Variants in AR observed in about 807,000 individuals in gnomAD.
The protein encoded by AR is dihydrotestosterone receptor.
A neutral mutation model predicts 53.9 loss-of-function variants in AR; 8 were observed. That is an observed-to-expected ratio of 0.15 (90% CI 0.09 to 0.27). The LOEUF (loss-of-function observed/expected upper bound fraction) is 0.27, where lower values mean the gene tolerates loss of function less well. Among genes scored for constraint, AR ranks in the 10% least tolerant of loss-of-function variants. AR has a pLI of 1.00. For missense variants in AR, 639 were observed against 742.5 expected, an observed-to-expected ratio of 0.86 and a Z score of 1.62; for synonymous variants, 359 against 316.4, an observed-to-expected ratio of 1.13 and a Z score of -1.43.
chrX:67,633,915 A>T (rs936816688), intron 1 of AR, among the ~76,000 whole-genome samples: 6 of 111,943 alleles, frequency 5.4e-5, no homozygotes, highest in African/African-American at 1.6e-4. Context: ...AGGAGACAGT[A>T]TGAGGAGTGG....
intron 1 of AR, among the ~76,000 whole-genome samples, chrX:67,548,384 T>C (rs1378583557): frequency 8.9e-6 from 1 of 112,169 alleles, no homozygotes; most frequent in Non-Finnish European, 1.9e-5. Context: ...GACTCTTCAT[T>C]TTTGTAATGG....
intron 3 of AR, among the ~76,000 whole-genome samples, chrX:67,696,650 G>A (rs2076021924): frequency 9.0e-6 from 1 of 111,661 alleles, no homozygotes; most frequent in African/African-American, 3.3e-5. Flanking sequence ...TTGGGGGAAA[G>A]AATCAAGGAG....
chrX:67,673,050 T>TG (rs2075875820), intron 2 of AR, among the ~76,000 whole-genome samples: 1 of 109,668 alleles, frequency 9.1e-6, no homozygotes, highest in Non-Finnish European at 1.9e-5. Flanking sequence ...AAAGTTTTTT[T>TG]TTTTTTTTTC....
At chrX:67,703,689 A>G (rs2076052512) in intron 3 of AR, among the ~76,000 whole-genome samples, 1 of 111,801 alleles carries the variant, frequency 8.9e-6, no homozygotes, top group South Asian at 3.8e-4. Context: ...GTACGTGTGC[A>G]CAACTTGCAG....
intron 1 of AR, among the ~76,000 whole-genome samples, chrX:67,610,996 C>T: frequency 9.0e-6 from 1 of 111,314 alleles, no homozygotes; most frequent in Non-Finnish European, 1.9e-5. Context: ...TCCAGTAGGG[C>T]TTTTATGAGG....
At chrX:67,672,612 T>C (rs1277863123) in intron 2 of AR, among the ~76,000 whole-genome samples, 1 of 111,590 alleles carries the variant, frequency 9.0e-6, no homozygotes, top group Non-Finnish European at 1.9e-5. Context: ...TAAAAAAACA[T>C]GGAAAGAGAA....
chrX:67,661,570 G>C (rs1926919363), intron 2 of AR, among the ~76,000 whole-genome samples: 1 of 111,597 alleles, frequency 9.0e-6, no homozygotes, highest in Non-Finnish European at 1.9e-5. Flanking sequence ...AAGCCCACTT[G>C]ATCATAGTGG....
In AR at chrX:67,621,040, A is replaced by AT. The variant is rs759185783; in HGVS notation, c.1617-22210dup. On this transcript the variant is annotated intron_variant, in intron 1 of 7. Transcript: ENST00000374690. ...ATAACTGATGATGGTTGTTATATAGATTTTTTCATAGGTTGCCTGTTCCAA... is the reference window on the plus strand; with the variant it reads ...ATAACTGATGATGGTTGTTATATAGATTTTTTTCATAGGTTGCCTGTTCCAA... Among the ~76,000 whole-genome samples, 11 of 111,951 alleles carry AT rather than the reference A, an allele frequency of 9.8e-5. No individual in the cohort carries two copies. In the South Asian group the frequency reaches 3.3e-3, roughly 34 times the overall value.
intron 3 of AR, among the ~76,000 whole-genome samples, chrX:67,704,729 T>C (rs1276011850): frequency 8.9e-6 from 1 of 112,070 alleles, no homozygotes; most frequent in Non-Finnish European, 1.9e-5. Context: ...CCGGTGCCTA[T>C]GTCATGAATG....
intron 2 of AR, among the ~76,000 whole-genome samples, chrX:67,648,221 A>G (rs1418614680): frequency 8.9e-6 from 1 of 111,798 alleles, no homozygotes; most frequent in East Asian, 2.8e-4. Flanking sequence ...GAAATGCTAG[A>G]AGAGGATACT....
chrX:67,707,976 T>A (rs1194817415), intron 3 of AR, among the ~76,000 whole-genome samples: 1 of 112,334 alleles, frequency 8.9e-6, no homozygotes, highest in Non-Finnish European at 1.9e-5. Context: ...TGGCCCCCAC[T>A]CTCTTCTGGC....
intron 1 of AR, among the ~76,000 whole-genome samples, chrX:67,596,180 G>T (rs889839669): frequency 1.3e-4 from 14 of 110,090 alleles, no homozygotes; most frequent in African/African-American, 4.6e-4. Context: ...ACCAGAAGCC[G>T]AACAGATGCC....
intron 2 of AR, among the ~76,000 whole-genome samples, chrX:67,665,079 C>G (rs1927193537): frequency 8.8e-6 from 1 of 113,047 alleles, no homozygotes; most frequent in South Asian, 3.6e-4. Context: ...GAGGCGATGT[C>G]TCGCCCTGCT....
intron 1 of AR, among the ~76,000 whole-genome samples, chrX:67,559,357 G>A (rs913798795): frequency 8.9e-6 from 1 of 111,921 alleles, no homozygotes; most frequent in African/African-American, 3.2e-5. Context: ...TTGGGAGAGT[G>A]AGCAGAGTCC....
chrX:67,587,037 A>G (rs1922580333), intron 1 of AR, among the ~76,000 whole-genome samples: 1 of 112,287 alleles, frequency 8.9e-6, no homozygotes, highest in Non-Finnish European at 1.9e-5. Flanking sequence ...TTTAATAATC[A>G]GGATAGCCCT....
At chrX:67,548,108 A>G (rs1179146847) in intron 1 of AR, among the ~76,000 whole-genome samples, 1 of 111,690 alleles carries the variant, frequency 9.0e-6, no homozygotes, top group Non-Finnish European at 1.9e-5. Context: ...GACTTCTCCG[A>G]AATTTCTTTG....
intron 3 of AR, among the ~76,000 whole-genome samples, chrX:67,696,338 A>G (rs1569308794): frequency 9.0e-6 from 1 of 111,290 alleles, no homozygotes; most frequent in Non-Finnish European, 1.9e-5. Flanking sequence ...GCAATTTCAT[A>G]TGAGCAGGTT....
In AR at chrX:67,671,371, T is replaced by C. The variant is rs376299762; in HGVS notation, c.1769-14639T>C. ...ACCAGTGATGATGAGCTTTTTTTCA[T>C]GTTTGTTGGCAGCATAAATGTCTTC... On this transcript the variant is annotated intron_variant, in intron 2 of 7. Coordinates refer to ENST00000374690, the MANE Select transcript of AR (RefSeq NM_000044.6). Among the ~76,000 whole-genome samples, 8 of 112,702 alleles carry C rather than the reference T, an allele frequency of 7.1e-5. No homozygotes were observed. In the South Asian group the frequency reaches 2.9e-3, roughly 41 times the overall value.
chrX:67,670,982 T>G (rs2147476948), intron 2 of AR, among the ~76,000 whole-genome samples: 1 of 112,263 alleles, frequency 8.9e-6, no homozygotes, highest in East Asian at 2.8e-4. Flanking sequence ...TGTGCCACGT[T>G]TTCTTTATCC....
Sources: allele counts gnomAD v4.1 joint callset (sites outside exome capture counted in the v4.1 genomes callset), GRCh38; gene constraint gnomAD v4.1.1; transcripts MANE v1.5; gene names NCBI Gene and HGNC (gene_info 2026-07-23, HGNC 2026-07-21).